Variants in STX7 observed in about 807,000 individuals in gnomAD.
The protein encoded by STX7 is syntaxin 7.
Under a neutral mutation model 39.6 loss-of-function variants are expected in STX7, and 34 were observed. The observed-to-expected ratio is 0.86, with a 90% CI of 0.65 to 1.14. The LOEUF (loss-of-function observed/expected upper bound fraction) is 1.14. STX7 is among the 50% of genes most tolerant of loss of function. STX7 has a pLI of 0.00. For synonymous variants in STX7, 119 were observed against 99.1 expected (o/e 1.20, Z -1.19); for missense variants, 284 against 310.4 (o/e 0.92, Z 0.64).
chr6:132,509,431 A>G (rs1775783823), intron 1 of STX7, among the ~76,000 whole-genome samples: 1 of 150,718 alleles, frequency 6.6e-6, no homozygotes, highest in African/African-American at 2.5e-5. Flanking sequence ...CAGCCCGGCG[A>G]CAGAGCGAGA....
At chr6:132,464,212 AT>A (rs930410081) in intron 8 of STX7, 137 bp from the exon 9 acceptor site, 2 of 821,022 alleles carry the variant, frequency 2.4e-6, no homozygotes, top group African/African-American at 1.7e-5. Context: ...ATAAAGTTGA[AT>A]TTTTTTAAGC....
intron 1 of STX7, among the ~76,000 whole-genome samples, chr6:132,508,543 C>T (rs1432109564): frequency 6.6e-6 from 1 of 152,178 alleles, no homozygotes; most frequent in Non-Finnish European, 1.5e-5. Flanking sequence ...TTGTTTGAGA[C>T]AGGAGCACCC....
intron 1 of STX7, among the ~76,000 whole-genome samples, chr6:132,512,184 G>A (rs566403294): frequency 1.1e-3 from 171 of 152,180 alleles, no homozygotes; most frequent in Non-Finnish European, 2.0e-3. Flanking sequence ...TTTTCTTCCA[G>A]ATTCTGGGCA....
Position 132,447,018 on chromosome 6 carries a change from G to A in STX7, c.*13740C>T, listed in dbSNP as rs1200109007. 1.3e-5 allele frequency: 2 copies of A among 152,148 alleles called. No homozygotes were observed. The highest frequency in any genetic ancestry group is 6.6e-5 in the Admixed American group (1 of 15,260). The allele number at this position is 152,148 out of a possible 1,614,324, so 9.4% of individuals were successfully genotyped here. ...GGTTGGACAAGCAAGAAATAGTGAC[G>A]ATGTGACTTCTATTTTTATGATGGC... is the stretch of plus-strand genomic sequence containing the variant. On this transcript the variant is annotated 3_prime_UTR_variant, in exon 10 of 10. Coordinates refer to ENST00000367941, the MANE Select transcript of STX7 (RefSeq NM_003569.3).
chr6:132,478,332 C>T (rs915058951), intron 2 of STX7, among the ~76,000 whole-genome samples: 1 of 152,078 alleles, frequency 6.6e-6, no homozygotes, highest in Non-Finnish European at 1.5e-5. Flanking sequence ...AATTACTCAG[C>T]CAATTAAAGA....
In STX7 at chr6:132,479,761, A is replaced by G. The variant is rs545012040; in HGVS notation, c.86-4099T>C. Among the ~76,000 whole-genome samples the G allele has an allele frequency of 4.3e-4, 65 of 152,292 alleles. 1 individual carries two copies. The highest frequency in any genetic ancestry group is 1.5e-3 in the African/African-American group (62 of 41,564). On this transcript the variant is annotated intron_variant, in intron 2 of 9. Transcript: ENST00000367941. ...TAGCAATCTCATGTTATACTCTATT[A>G]AATCATTTTTGTTTGATTTTTTGTA...
chr6:132,479,739 C>G (rs956702821), intron 2 of STX7, among the ~76,000 whole-genome samples: 2 of 152,120 alleles, frequency 1.3e-5, no homozygotes, highest in Admixed American at 1.3e-4. Context: ...GCAGCAATAG[C>G]AATCTCATGT....
At chr6:132,461,463 C>T (rs1347470491) in intron 9 of STX7, among the ~76,000 whole-genome samples, 2 of 152,034 alleles carry the variant, frequency 1.3e-5, no homozygotes. Flanking sequence ...CGTGCCACCA[C>T]ACCCAGCTAA....
At chr6:132,474,083 G>C (rs905896999) in intron 3 of STX7, among the ~76,000 whole-genome samples, 4 of 151,706 alleles carry the variant, frequency 2.6e-5, no homozygotes, top group Admixed American at 1.3e-4. Flanking sequence ...ACAAAAATTA[G>C]CCAGGCATGG....
intron 2 of STX7, among the ~76,000 whole-genome samples, chr6:132,478,558 C>T (rs1444560949): frequency 6.6e-6 from 1 of 152,162 alleles, no homozygotes. Context: ...CTGGGAATTA[C>T]TCAGAAATGC....
At position 132,446,855 on chromosome 6, in the gene STX7, C is replaced by T. The variant is rs372851062; in HGVS notation, c.*13903G>A. ...GGCAAAAAGAATGCTATTAGGCTGA[C>T]TGATTTATGTAAAGCAGTGCCTATC... On this transcript the variant is annotated 3_prime_UTR_variant, in exon 10 of 10. Coordinates refer to ENST00000367941, the MANE Select transcript of STX7 (RefSeq NM_003569.3). 6.6e-6 allele frequency: 1 copy of T among 152,054 alleles called. No homozygotes were observed. The highest frequency in any genetic ancestry group is 1.5e-5 in the Non-Finnish European group (1 of 68,008). The allele number at this position is 152,054 out of a possible 1,614,324, so 9.4% of individuals were successfully genotyped here.
At chr6:132,502,295 T>C (rs1775585246) in intron 2 of STX7, among the ~76,000 whole-genome samples, 1 of 152,160 alleles carries the variant, frequency 6.6e-6, no homozygotes, top group South Asian at 2.1e-4. Context: ...TGTGTTAACA[T>C]TCTGTTAAAA....
At chr6:132,503,698 T>C in intron 1 of STX7, 110 bp from the exon 2 acceptor site, 1 of 455,788 alleles carries the variant, frequency 2.2e-6, no homozygotes, top group Non-Finnish European at 3.9e-6. Flanking sequence ...CTAATAGAGT[T>C]GAAATCTGGC....
In STX7 at chr6:132,484,415, A is replaced by C. The variant is rs577268634; in HGVS notation, c.86-8753T>G. ...AGTTTGTCATAAAATTGTAGGCTGA[A>C]TTTGGTATCAGGGGCTATTAATACA... On this transcript the variant is annotated intron_variant, in intron 2 of 9. Coordinates refer to ENST00000367941, the MANE Select transcript of STX7 (RefSeq NM_003569.3). Among the ~76,000 whole-genome samples the C allele has an allele frequency of 1.3e-5, 2 of 152,282 alleles. 1 individual carries two copies. The highest frequency in any genetic ancestry group is 6.8e-3 in the Middle Eastern group (2 of 294).
intron 2 of STX7, among the ~76,000 whole-genome samples, chr6:132,485,196 C>T (rs1216833032): frequency 1.3e-5 from 2 of 152,152 alleles, no homozygotes; most frequent in African/African-American, 4.8e-5. Context: ...GTTCCTTCCC[C>T]CCTCCATCAC....
intron 2 of STX7, among the ~76,000 whole-genome samples, chr6:132,478,972 G>C (rs1399676291): frequency 6.6e-6 from 1 of 152,052 alleles, no homozygotes; most frequent in Non-Finnish European, 1.5e-5. Flanking sequence ...CAATACACTG[G>C]TTACGTCTGC....
intron 2 of STX7, among the ~76,000 whole-genome samples, chr6:132,482,977 GA>G (rs893594625): frequency 4.1e-4 from 57 of 139,976 alleles, no homozygotes; most frequent in South Asian, 6.8e-4. Context: ...TAACAAAAAA[GA>G]AAAAAAAAAA....
chr6:132,503,019 A>C (rs1331494600), intron 2 of STX7, among the ~76,000 whole-genome samples: 1 of 152,162 alleles, frequency 6.6e-6, no homozygotes, highest in Non-Finnish European at 1.5e-5. Flanking sequence ...ATACTTGCCC[A>C]TCATAAGATT....
At position 132,469,802 on chromosome 6, in the gene STX7, G is replaced by A. The variant is rs1582651153; in HGVS notation, c.537+149C>T. On this transcript the variant is annotated intron_variant, in intron 7 of 9. Coordinates refer to ENST00000367941, the MANE Select transcript of STX7 (RefSeq NM_003569.3). ...TGCAGTGAGCCGAGATTCCACCACCGCACTCCAGCCTGGGTGACAGAGGGA... is the reference window on the plus strand; with the variant it reads ...TGCAGTGAGCCGAGATTCCACCACCACACTCCAGCCTGGGTGACAGAGGGA... 9 of 554,162 alleles carry A rather than the reference G, an allele frequency of 1.6e-5. No homozygotes were observed. In the East Asian group the frequency reaches 2.9e-4, roughly 18 times the overall value. The allele number at this position is 554,162 out of a possible 1,614,324, so 34.3% of individuals were successfully genotyped here. A position where few individuals can be genotyped will look rare whatever the true frequency, so the allele number is the denominator to read the frequency against.
Sources: allele counts gnomAD v4.1 joint callset (sites outside exome capture counted in the v4.1 genomes callset), GRCh38; gene constraint gnomAD v4.1.1; transcripts MANE v1.5; gene names NCBI Gene and HGNC (gene_info 2026-07-23, HGNC 2026-07-21).